The following GPC6 variants were observed in gnomAD, a reference collection of about 807,000 sequenced individuals.
The protein encoded by GPC6 is glypican 6, also known as glypican-6.
A neutral mutation model predicts 55.2 loss-of-function variants in GPC6; 14 were observed. The observed-to-expected ratio is 0.25, with a 90% CI of 0.17 to 0.40. The LOEUF (loss-of-function observed/expected upper bound fraction) is 0.40, where lower values mean the gene tolerates loss of function less well. Among genes scored for constraint, GPC6 ranks in the 10% least tolerant of loss-of-function variants. The pLI is 1.00. For synonymous variants in GPC6, 278 were observed against 259.6 expected (o/e 1.07, Z -0.68); for missense variants, 641 against 708.5 (o/e 0.90, Z 1.08).
chr13:93,986,143 A>G (rs1483130368), intron 3 of GPC6, among the ~76,000 whole-genome samples: 2 of 152,226 alleles, frequency 1.3e-5, no homozygotes, highest in African/African-American at 4.8e-5. Context: ...AGTTTGAGCC[A>G]TAATATTCTT....
At chr13:93,431,521 G>A (rs1381104366) in intron 1 of GPC6, among the ~76,000 whole-genome samples, 1 of 152,108 alleles carries the variant, frequency 6.6e-6, no homozygotes, top group African/African-American at 2.4e-5. Context: ...TGAAAGATAA[G>A]TGAAAATTAA....
chr13:94,039,771 T>C lies in GPC6; in HGVS notation c.877+11877T>C, dbSNP rs188599409. Among the ~76,000 whole-genome samples, 47 of 151,994 alleles carry C rather than the reference T, an allele frequency of 3.1e-4. No homozygotes were observed. The East Asian group carries it at 6.6e-3, about 21-fold the overall frequency. Reference sequence around the variant, plus strand: ...CAGATTGTACCTGGAATTCCCCATCTTGGGCTCCATACAGATGGCCTGCAT... The same window carrying C: ...CAGATTGTACCTGGAATTCCCCATCCTGGGCTCCATACAGATGGCCTGCAT... On this transcript the variant is annotated intron_variant, in intron 4 of 8. Coordinates refer to ENST00000377047, the MANE Select transcript of GPC6 (RefSeq NM_005708.5).
At position 94,017,258 on chromosome 13, in the gene GPC6, T is replaced by A. The variant is rs75626893; in HGVS notation, c.712-10471T>A. Among the ~76,000 whole-genome samples, 711 of 152,350 alleles carry A rather than the reference T, an allele frequency of 4.7e-3. 7 individuals are homozygous for A. The highest frequency in any genetic ancestry group is 0.015 in the African/African-American group (614 of 41,586). On this transcript the variant is annotated intron_variant, in intron 3 of 8. Coordinates refer to ENST00000377047, the MANE Select transcript of GPC6 (RefSeq NM_005708.5). ...ATTTATTAGCTCCAGAAGGTTTTTT[T>A]ATGGATTCTTTGGGATTTCCTATAT...
chr13:93,510,155 T>A (rs1313893669), intron 1 of GPC6, among the ~76,000 whole-genome samples: 1 of 152,202 alleles, frequency 6.6e-6, no homozygotes, highest in Non-Finnish European at 1.5e-5. Flanking sequence ...TTTTGTTACA[T>A]GTAATGTGTA....
At chr13:94,144,547 A>ATG (rs67016286) in intron 4 of GPC6, among the ~76,000 whole-genome samples, 22 of 148,434 alleles carry the variant, frequency 1.5e-4, no homozygotes, top group Middle Eastern at 3.4e-3. Flanking sequence ...GTGTGTGTGT[A>ATG]TGTGTGTGTG....
chr13:93,639,610 G>A (rs1183205402), intron 2 of GPC6, among the ~76,000 whole-genome samples: 6 of 152,064 alleles, frequency 3.9e-5, no homozygotes, highest in African/African-American at 1.4e-4. Flanking sequence ...CCTGAGAGTG[G>A]TCAGATTCTA....
intron 2 of GPC6, among the ~76,000 whole-genome samples, chr13:93,639,798 C>T (rs1014512713): frequency 4.6e-5 from 7 of 152,040 alleles, no homozygotes; most frequent in Non-Finnish European, 8.8e-5. Context: ...CATTGGTAAA[C>T]AAAACTCACA....
At position 93,878,171 on chromosome 13, in the gene GPC6, A is replaced by C. The variant is rs556348304; in HGVS notation, c.711+47626A>C. Among the ~76,000 whole-genome samples the C allele has an allele frequency of 1.7e-3, 258 of 152,146 alleles. 1 individual carries two copies. Among genetic ancestry groups the C allele is most frequent in the African/African-American group, 5.6e-3 (234 of 41,554 alleles). ...GATAGAAGAAAAGAGGAGCAGTACT[A>C]TGGTTTGAATGTTTATGTTCCCTCT... On this transcript the variant is annotated intron_variant, in intron 3 of 8. Coordinates refer to ENST00000377047, the MANE Select transcript of GPC6 (RefSeq NM_005708.5).
intron 4 of GPC6, among the ~76,000 whole-genome samples, chr13:94,202,231 A>G (rs1413042337): frequency 1.3e-5 from 2 of 152,220 alleles, no homozygotes; most frequent in Non-Finnish European, 1.5e-5. Flanking sequence ...CATATCAAGA[A>G]CTAAATGAAA....
chr13:93,658,587 A>AT (rs1566472874), intron 2 of GPC6, among the ~76,000 whole-genome samples: 1 of 151,312 alleles, frequency 6.6e-6, no homozygotes, highest in East Asian at 1.9e-4. Context: ...TATTTTTTTT[A>AT]TTTTTTACCC....
intron 3 of GPC6, among the ~76,000 whole-genome samples, chr13:93,897,063 G>T (rs1159824404): frequency 6.6e-6 from 1 of 150,518 alleles, no homozygotes; most frequent in Non-Finnish European, 1.5e-5. Context: ...TGTATTTTCA[G>T]CCAAATTATG....
chr13:93,485,002 AT>A (rs1468580315), intron 1 of GPC6, among the ~76,000 whole-genome samples: 1 of 152,216 alleles, frequency 6.6e-6, no homozygotes, highest in Non-Finnish European at 1.5e-5. Context: ...CAAGTCAGGA[AT>A]TATTAAACAG....
At chr13:94,008,335 A>G (rs1231990338) in intron 3 of GPC6, among the ~76,000 whole-genome samples, 1 of 152,216 alleles carries the variant, frequency 6.6e-6, no homozygotes, top group Non-Finnish European at 1.5e-5. Flanking sequence ...AACTCTATAT[A>G]CACTCATGAA....
intron 1 of GPC6, among the ~76,000 whole-genome samples, chr13:93,434,122 T>C (rs1877475585): frequency 6.6e-6 from 1 of 152,190 alleles, no homozygotes; most frequent in Non-Finnish European, 1.5e-5. Flanking sequence ...CTGCTTTGGC[T>C]CTCAAAGTGG....
chr13:93,858,879 G>A (rs897400673), intron 3 of GPC6, among the ~76,000 whole-genome samples: 7 of 151,308 alleles, frequency 4.6e-5, no homozygotes, highest in Non-Finnish European at 1.0e-4. Flanking sequence ...AGGGAAGGGA[G>A]ACATTGAAGC....
At chr13:93,922,926 A>G (rs185276535) in intron 3 of GPC6, among the ~76,000 whole-genome samples, 1 of 152,340 alleles carries the variant, frequency 6.6e-6, no homozygotes, top group East Asian at 1.9e-4. Flanking sequence ...ACCACCTCTT[A>G]TAATGAATAT....
At chr13:93,770,317 C>T (rs1885251163) in intron 2 of GPC6, among the ~76,000 whole-genome samples, 1 of 152,006 alleles carries the variant, frequency 6.6e-6, no homozygotes, top group South Asian at 2.1e-4. Flanking sequence ...TAATGTAATG[C>T]CTGATACTAA....
chr13:93,861,232 G>T (rs533391410), intron 3 of GPC6, among the ~76,000 whole-genome samples: 6 of 150,228 alleles, frequency 4.0e-5, no homozygotes, highest in Non-Finnish European at 8.9e-5. Flanking sequence ...AAAAAAAAAA[G>T]AACTCTTTTG....
chr13:93,280,823 A>G (rs753598357), intron 1 of GPC6, among the ~76,000 whole-genome samples: 14 of 152,196 alleles, frequency 9.2e-5, no homozygotes, highest in Non-Finnish European at 1.9e-4. Context: ...ACCTCAGATC[A>G]TTAGGTATTA....
Sources: allele counts gnomAD v4.1 joint callset (sites outside exome capture counted in the v4.1 genomes callset), GRCh38; gene constraint gnomAD v4.1.1; transcripts MANE v1.5; gene names NCBI Gene and HGNC (gene_info 2026-07-23, HGNC 2026-07-21).